MAGI1: variants seen among roughly 807,000 people sequenced by gnomAD.
MAGI1 encodes the protein membrane-associated guanylate kinase, WW and PDZ domain-containing protein 1.
MAGI1 carries 58 observed loss-of-function variants against 139.9 expected under a neutral mutation model. The ratio of observed to expected loss-of-function variants is 0.41; its 90% CI spans 0.34 to 0.52. The LOEUF (loss-of-function observed/expected upper bound fraction) is 0.52, where lower values mean the gene tolerates loss of function less well. MAGI1 is among the 20% of genes least tolerant of loss of function. MAGI1 has a pLI of 0.12. For synonymous variants in MAGI1, 812 were observed against 737.9 expected (o/e 1.10, Z -1.63); for missense variants, 1,874 against 1,901.6 (o/e 0.99, Z 0.27).
At chr3:65,490,975 G>T (rs1486746631) in intron 3 of MAGI1, among the ~76,000 whole-genome samples, 1 of 152,006 alleles carries the variant, frequency 6.6e-6, no homozygotes, top group Non-Finnish European at 1.5e-5. Flanking sequence ...TTAGTCCTGT[G>T]CCTAAGAAAA....
intron 1 of MAGI1, among the ~76,000 whole-genome samples, chr3:65,942,643 T>C (rs1166665359): frequency 1.3e-5 from 2 of 152,228 alleles, no homozygotes; most frequent in East Asian, 3.8e-4. Context: ...TGCCTCACTT[T>C]CCTCATCCAT....
At chr3:65,861,685 G>T (rs532549839) in intron 1 of MAGI1, among the ~76,000 whole-genome samples, 1 of 152,226 alleles carries the variant, frequency 6.6e-6, no homozygotes, top group African/African-American at 2.4e-5. Flanking sequence ...AGTCATAATG[G>T]TGAGTGGGAG....
intron 1 of MAGI1, among the ~76,000 whole-genome samples, chr3:66,009,482 C>A (rs778235715): frequency 1.3e-5 from 2 of 152,092 alleles, no homozygotes; most frequent in Admixed American, 6.5e-5. Context: ...TGCACTCCAG[C>A]CTGGGCGACA....
At chr3:65,707,176 G>C (rs1262256697) in intron 1 of MAGI1, among the ~76,000 whole-genome samples, 1 of 152,166 alleles carries the variant, frequency 6.6e-6, no homozygotes, top group African/African-American at 2.4e-5. Flanking sequence ...CTTTCCTTCA[G>C]TGCTGATTGG....
intron 6 of MAGI1, among the ~76,000 whole-genome samples, chr3:65,452,186 T>A (rs1384662236): frequency 6.6e-6 from 1 of 152,166 alleles, no homozygotes; most frequent in Non-Finnish European, 1.5e-5. Flanking sequence ...TTAGAAGGAC[T>A]TTTGTTTCCA....
At chr3:65,487,978 A>G (rs1575974303) in intron 3 of MAGI1, among the ~76,000 whole-genome samples, 1 of 152,230 alleles carries the variant, frequency 6.6e-6, no homozygotes, top group Admixed American at 6.5e-5. Flanking sequence ...CTCAATCACA[A>G]GAACCACTGG....
chr3:65,525,766 G>A (rs937245108), intron 2 of MAGI1, among the ~76,000 whole-genome samples: 1 of 152,146 alleles, frequency 6.6e-6, no homozygotes, highest in Non-Finnish European at 1.5e-5. Flanking sequence ...CTCAACATCT[G>A]GGTTTTGATG....
At chr3:65,904,943 C>T (rs953139641) in intron 1 of MAGI1, among the ~76,000 whole-genome samples, 3 of 152,076 alleles carry the variant, frequency 2.0e-5, no homozygotes, top group Non-Finnish European at 2.9e-5. Flanking sequence ...GACAAGAAAA[C>T]GCCTCATCCT....
At chr3:65,442,094 T>TC (rs1553644594) in intron 8 of MAGI1, among the ~76,000 whole-genome samples, 1 of 151,608 alleles carries the variant, frequency 6.6e-6, no homozygotes, top group East Asian at 1.9e-4. Flanking sequence ...TTTTTTTTTT[T>TC]CAATGTCCTA....
chr3:65,429,871 T>C lies in MAGI1; in HGVS notation c.1816A>G (p.Lys606Glu), dbSNP rs775480118. The C allele has an allele frequency of 5.6e-6, 9 of 1,614,058 alleles. No individual in the cohort carries two copies. The South Asian group carries it at 8.8e-5, about 16-fold the overall frequency. ...SSKTGKVNGM[K>E]DARPSSPADV... is the part of the protein sequence containing the mutation. ...GCTGGGCTGCTTGGCCTGGCATCCT[T>C]CATGCCATTGACTTTGCCTGTTTTA... The change falls in exon 12 of 23, where the codon AAG becomes GAG. Residue 606 changes from lysine to glutamate, a missense_variant. By Grantham distance (56) the Lys-to-Glu change is moderately conservative. This residue lies in a region of MAGI1 where 482 missense variants were observed against 509.6 expected (regional missense o/e 0.95). Transcript: ENST00000402939.
At chr3:65,601,739 A>AC (rs951881460) in intron 2 of MAGI1, among the ~76,000 whole-genome samples, 2 of 150,938 alleles carry the variant, frequency 1.3e-5, no homozygotes, top group East Asian at 1.9e-4. Context: ...TAAAAAAAAA[A>AC]CAGAAATTAG....
At chr3:65,501,004 A>C (rs572605780) in intron 2 of MAGI1, among the ~76,000 whole-genome samples, 1 of 152,232 alleles carries the variant, frequency 6.6e-6, no homozygotes, top group African/African-American at 2.4e-5. Context: ...ATAGAGCTAG[A>C]GCACAGTAGA....
At chr3:65,364,806 G>A (rs759492558) in intron 19 of MAGI1, 47 bp downstream of exon 19, 2 of 1,607,576 alleles carry the variant, frequency 1.2e-6, no homozygotes, top group East Asian at 2.2e-5. Context: ...TGTCATGCTG[G>A]GAGTTACTTT....
At chr3:65,545,759 A>G (rs75754430) in intron 2 of MAGI1, among the ~76,000 whole-genome samples, 4,115 of 151,974 alleles carry the variant, frequency 0.027, 173 homozygotes, top group African/African-American at 0.094. Context: ...TAGGAATTCC[A>G]TCTAGTAGAC....
chr3:65,404,640 T>C (rs1945186932), intron 12 of MAGI1, among the ~76,000 whole-genome samples: 1 of 152,224 alleles, frequency 6.6e-6, no homozygotes, highest in Non-Finnish European at 1.5e-5. Context: ...TACATATGAA[T>C]GCTGGAAAAA....
intron 1 of MAGI1, among the ~76,000 whole-genome samples, chr3:65,664,212 G>A (rs370736147): frequency 1.3e-5 from 2 of 152,040 alleles, no homozygotes; most frequent in Admixed American, 6.6e-5. Context: ...AATTATTACA[G>A]TATGTATTTC....
At position 65,920,964 on chromosome 3, in the gene MAGI1, G is replaced by A. The variant is rs1471908273; in HGVS notation, c.313+117032C>T. The stretch of plus-strand genomic sequence containing the variant: ...GAATTGCTTGAACCCGGGAAGCAGA[G>A]GTTGCAGAGAGCCGAGATCACGCCA... On this transcript the variant is annotated intron_variant, in intron 1 of 22. Transcript: ENST00000402939. 5.9e-5 allele frequency among the ~76,000 whole-genome samples: 9 copies of A among 152,092 alleles called. No individual in the cohort carries two copies. The South Asian group carries it at 1.9e-3, about 32-fold the overall frequency.
chr3:65,670,816 A>C (rs766236766), intron 1 of MAGI1, among the ~76,000 whole-genome samples: 13 of 152,178 alleles, frequency 8.5e-5, no homozygotes, highest in Non-Finnish European at 1.5e-4. Context: ...ATATAAACAG[A>C]AAAATAGCCA....
intron 1 of MAGI1, among the ~76,000 whole-genome samples, chr3:65,828,824 G>C (rs74378360): frequency 0.07 from 10,675 of 152,288 alleles, 518 homozygotes; most frequent in Admixed American, 0.17. Context: ...CTATCAGAGA[G>C]ATGGGACAGA....
Sources: gnomAD v4.1 joint callset for allele counts (sites outside exome capture counted in the v4.1 genomes callset) on GRCh38, gnomAD v4.1.1 for gene constraint, gnomAD v4.1.1 regional missense constraint, MANE v1.5 for transcripts, NCBI Gene and HGNC (gene_info 2026-07-23, HGNC 2026-07-21) for gene names.